The following DPP10 variants were observed in gnomAD, a reference collection of about 807,000 sequenced individuals.
DPP10 encodes the protein inactive dipeptidyl peptidase 10.
Under a neutral mutation model 120.9 loss-of-function variants are expected in DPP10, and 33 were observed. The observed-to-expected ratio is 0.27, with a 90% CI of 0.21 to 0.37. The LOEUF is 0.37. DPP10 is among the 10% of genes least tolerant of loss of function. DPP10 has a pLI of 1.00. For synonymous variants in DPP10, 337 were observed against 326.1 expected (o/e 1.03, Z -0.36); for missense variants, 816 against 942.8 (o/e 0.87, Z 1.76).
chr2:115,664,313 T>C (rs558352303), intron 5 of DPP10, among the ~76,000 whole-genome samples: 4 of 152,050 alleles, frequency 2.6e-5, no homozygotes, highest in Non-Finnish European at 4.4e-5. Context: ...TATAAAATAC[T>C]ATCAAATATT....
intron 1 of DPP10, among the ~76,000 whole-genome samples, chr2:114,897,692 T>C (rs2106634246): frequency 6.6e-6 from 1 of 152,110 alleles, no homozygotes. Flanking sequence ...GCGAAGGACA[T>C]GAACAGACAC....
chr2:115,275,328 T>G (rs1366096901), intron 1 of DPP10, among the ~76,000 whole-genome samples: 7 of 152,228 alleles, frequency 4.6e-5, no homozygotes, highest in Non-Finnish European at 8.8e-5. Context: ...TCCATCTATA[T>G]ATATAACACA....
rs138588621 is a variant in DPP10 at position 114,816,366 on chromosome 2, C to T, written c.60+373528C>T. On this transcript the variant is annotated intron_variant, in intron 1 of 25. Coordinates refer to ENST00000410059, the MANE Select transcript of DPP10 (RefSeq NM_020868.6). ...GGCAATACATAAACAAATGAGCAGG[C>T]CTCTGTTTCTCTGTTCCAACAAAAC... Among the ~76,000 whole-genome samples, 727 of 152,274 alleles carry T rather than the reference C, an allele frequency of 4.8e-3. 9 individuals are homozygous for T. The highest frequency in any genetic ancestry group is 0.017 in the African/African-American group (701 of 41,568).
At chr2:115,157,986 T>C (rs76264846) in intron 1 of DPP10, among the ~76,000 whole-genome samples, 4,295 of 152,282 alleles carry the variant, frequency 0.028, 59 homozygotes, top group African/African-American at 0.034. Flanking sequence ...GGAGTACTGT[T>C]TGCCTTGTCT....
At chr2:115,786,562 T>C (rs1683368751) in intron 17 of DPP10, among the ~76,000 whole-genome samples, 1 of 152,142 alleles carries the variant, frequency 6.6e-6, no homozygotes, top group Non-Finnish European at 1.5e-5. Flanking sequence ...ATCAACTGTT[T>C]CCAGACATTC....
chr2:115,453,556 G>C (rs1373431835), intron 3 of DPP10, among the ~76,000 whole-genome samples: 1 of 151,358 alleles, frequency 6.6e-6, no homozygotes, highest in Non-Finnish European at 1.5e-5. Flanking sequence ...TTCTAAAAGA[G>C]GTCACAAGAA....
At chr2:115,814,390 G>C (rs1177606613) in intron 19 of DPP10, among the ~76,000 whole-genome samples, 1 of 151,828 alleles carries the variant, frequency 6.6e-6, no homozygotes, top group Non-Finnish European at 1.5e-5. Flanking sequence ...TTCAGCCCTT[G>C]GAAGCCATTT....
chr2:115,801,254 A>G (rs148599640), intron 19 of DPP10, among the ~76,000 whole-genome samples: 19,209 of 152,194 alleles, frequency 0.13, 1,425 homozygotes, highest in African/African-American at 0.2. Context: ...ATTGGTGTAT[A>G]GGAAGGCTTG....
chr2:115,686,795 C>T (rs1395068278), intron 5 of DPP10, among the ~76,000 whole-genome samples: 6 of 151,998 alleles, frequency 3.9e-5, no homozygotes, highest in African/African-American at 1.4e-4. Flanking sequence ...TTTTCCATAA[C>T]TATTCACACT....
At chr2:115,603,674 AAAAGC>A (rs2083511394) in intron 5 of DPP10, among the ~76,000 whole-genome samples, 1 of 148,808 alleles carries the variant, frequency 6.7e-6, no homozygotes, top group Non-Finnish European at 1.5e-5. Flanking sequence ...GACATATTTT[AAAAGC>A]AAACCTTTGT....
At chr2:115,250,790 C>T (rs1422082516) in intron 1 of DPP10, among the ~76,000 whole-genome samples, 1 of 152,114 alleles carries the variant, frequency 6.6e-6, no homozygotes, top group Non-Finnish European at 1.5e-5. Context: ...TGATAACTTA[C>T]TTCTAGAATT....
intron 1 of DPP10, among the ~76,000 whole-genome samples, chr2:114,810,427 G>A (rs1558764307): frequency 6.6e-6 from 1 of 152,166 alleles, no homozygotes; most frequent in Non-Finnish European, 1.5e-5. Context: ...TTTTGAATCA[G>A]AAATTGTGAG....
At chr2:115,212,949 A>G (rs1215757912) in intron 1 of DPP10, among the ~76,000 whole-genome samples, 2 of 152,200 alleles carry the variant, frequency 1.3e-5, no homozygotes, top group African/African-American at 4.8e-5. Context: ...AGGATCATAC[A>G]AATAGTTCAT....
At chr2:115,252,145 T>C (rs537067119) in intron 1 of DPP10, among the ~76,000 whole-genome samples, 1 of 152,336 alleles carries the variant, frequency 6.6e-6, no homozygotes, top group African/African-American at 2.4e-5. Context: ...CTTTCTCTCT[T>C]ATTCAGGAAT....
chr2:114,815,631 A>T (rs1210122771), intron 1 of DPP10, among the ~76,000 whole-genome samples: 1 of 152,218 alleles, frequency 6.6e-6, no homozygotes, highest in Non-Finnish European at 1.5e-5. Context: ...ACCTTCTAAC[A>T]GTGGAATTTC....
chr2:115,819,342 A>G (rs1055688308), intron 21 of DPP10, among the ~76,000 whole-genome samples: 10 of 152,240 alleles, frequency 6.6e-5, no homozygotes, highest in Non-Finnish European at 1.3e-4. Context: ...AAACAGCAAT[A>G]TATAATATCC....
intron 1 of DPP10, among the ~76,000 whole-genome samples, chr2:115,082,559 A>G (rs1708360359): frequency 6.6e-6 from 1 of 152,348 alleles, no homozygotes; most frequent in African/African-American, 2.4e-5. Context: ...CTTGGTTAAT[A>G]CAATGCTACA....
At chr2:115,374,307 AT>A (rs2065628317) in intron 3 of DPP10, among the ~76,000 whole-genome samples, 1 of 152,052 alleles carries the variant, frequency 6.6e-6, no homozygotes, top group Non-Finnish European at 1.5e-5. Context: ...GGAGACATGG[AT>A]CTCCTTTGAT....
intron 1 of DPP10, among the ~76,000 whole-genome samples, chr2:114,989,782 C>T (rs1215087256): frequency 1.3e-5 from 2 of 152,142 alleles, no homozygotes; most frequent in African/African-American, 2.4e-5. Context: ...ATAAGACAGA[C>T]GTCTATATGC....
Sources: gnomAD v4.1 joint callset for allele counts (sites outside exome capture counted in the v4.1 genomes callset) on GRCh38, gnomAD v4.1.1 for gene constraint, MANE v1.5 for transcripts, NCBI Gene and HGNC (gene_info 2026-07-23, HGNC 2026-07-21) for gene names.